SYT1: variants seen among roughly 807,000 people sequenced by gnomAD.
The protein encoded by SYT1 is synaptotagmin 1, also known as synaptotagmin-1.
SYT1 carries 8 observed loss-of-function variants against 44.8 expected under a neutral mutation model. The ratio of observed to expected loss-of-function variants is 0.18; its 90% CI spans 0.10 to 0.32. SYT1 has a LOEUF of 0.32. Among genes scored for constraint, SYT1 ranks in the 10% least tolerant of loss-of-function variants. The probability of loss-of-function intolerance (pLI) is 1.00; values close to 1 mark genes in which losing one functional copy is unlikely to be tolerated. For missense variants in SYT1, 286 were observed against 509.3 expected, an observed-to-expected ratio of 0.56 and a Z score of 4.22; for synonymous variants, 154 against 188.8, an observed-to-expected ratio of 0.82 and a Z score of 1.51.
At chr12:79,246,363 C>T (rs1309417013) in intron 4 of SYT1, among the ~76,000 whole-genome samples, 1 of 152,198 alleles carries the variant, frequency 6.6e-6, no homozygotes, top group Non-Finnish European at 1.5e-5. Flanking sequence ...TAAGTCCATT[C>T]CAGTTCTTCT....
chr12:79,010,008 G>A (rs1173002392), intron 2 of SYT1, among the ~76,000 whole-genome samples: 1 of 152,116 alleles, frequency 6.6e-6, no homozygotes, highest in Admixed American at 6.6e-5. Context: ...CAGTGTCTGT[G>A]AATGGAATAC....
At chr12:79,128,128 C>T (rs1868562522) in intron 3 of SYT1, among the ~76,000 whole-genome samples, 1 of 152,106 alleles carries the variant, frequency 6.6e-6, no homozygotes, top group South Asian at 2.1e-4. Context: ...CAGAGTGGCT[C>T]ACACCTATAA....
chr12:79,230,236 C>T (rs550209327), intron 4 of SYT1, among the ~76,000 whole-genome samples: 19 of 152,246 alleles, frequency 1.2e-4, no homozygotes, highest in African/African-American at 4.1e-4. Flanking sequence ...TAATGTCCAC[C>T]TAGCCTTTAA....
In SYT1 at chr12:79,408,902, A is replaced by G. The variant is rs556738039; in HGVS notation, c.929-35171A>G. On this transcript the variant is annotated intron_variant, in intron 9 of 10. Transcript: ENST00000261205. ...TTATGCACTTATCCATGCTCCTGTC[A>G]TCTGTGGTACTGATTTATGGAACCT... Among the ~76,000 whole-genome samples the G allele has an allele frequency of 5.9e-5, 9 of 152,070 alleles. No homozygotes were observed. In the South Asian group the frequency reaches 1.9e-3, roughly 32 times the overall value.
At chr12:79,001,641 A>G (rs1223856483) in intron 2 of SYT1, among the ~76,000 whole-genome samples, 2 of 152,178 alleles carry the variant, frequency 1.3e-5, no homozygotes, top group African/African-American at 4.8e-5. Context: ...TTTTAGAAAA[A>G]TTGGAACTGA....
chr12:79,320,569 A>AT (rs563384503), intron 8 of SYT1, among the ~76,000 whole-genome samples: 1 of 151,468 alleles, frequency 6.6e-6, no homozygotes, highest in Non-Finnish European at 1.5e-5. Context: ...TCCAAACGTC[A>AT]TATCAGCTGG....
At chr12:79,073,746 TA>T (rs1407648714) in intron 3 of SYT1, among the ~76,000 whole-genome samples, 1 of 152,122 alleles carries the variant, frequency 6.6e-6, no homozygotes, top group Non-Finnish European at 1.5e-5. Context: ...TCTTCGACAT[TA>T]ATCAAAACAT....
chr12:79,061,025 C>T (rs145547752), intron 3 of SYT1, among the ~76,000 whole-genome samples: 4 of 152,020 alleles, frequency 2.6e-5, no homozygotes, highest in African/African-American at 4.8e-5. Context: ...TCAGAAGATT[C>T]GTGAAGTTAG....
At chr12:79,215,633 C>G (rs1874738557) in intron 3 of SYT1, among the ~76,000 whole-genome samples, 1 of 152,116 alleles carries the variant, frequency 6.6e-6, no homozygotes, top group Non-Finnish European at 1.5e-5. Context: ...GAGCTCAAGG[C>G]TGCAATGAGC....
chr12:79,252,653 C>G (rs946911046), intron 4 of SYT1, among the ~76,000 whole-genome samples: 1 of 152,114 alleles, frequency 6.6e-6, no homozygotes, highest in Non-Finnish European at 1.5e-5. Context: ...CAACCCAGGT[C>G]TCTAAGTGAC....
At chr12:79,243,541 A>G (rs1876638708) in intron 4 of SYT1, among the ~76,000 whole-genome samples, 1 of 152,214 alleles carries the variant, frequency 6.6e-6, no homozygotes, top group African/African-American at 2.4e-5. Context: ...AGCAATCGAA[A>G]TCGAATCCCT....
chr12:78,967,287 C>A (rs1868271885), intron 1 of SYT1, among the ~76,000 whole-genome samples: 1 of 152,016 alleles, frequency 6.6e-6, no homozygotes, highest in Non-Finnish European at 1.5e-5. Context: ...CCTTTAATAG[C>A]AATATAAACT....
At chr12:78,980,408 C>T (rs779693417) in intron 2 of SYT1, among the ~76,000 whole-genome samples, 3 of 152,120 alleles carry the variant, frequency 2.0e-5, no homozygotes, top group Non-Finnish European at 2.9e-5. Context: ...ACTTTGTAAA[C>T]TAGATATGTC....
At chr12:79,240,748 A>G (rs1410132116) in intron 4 of SYT1, among the ~76,000 whole-genome samples, 2 of 152,234 alleles carry the variant, frequency 1.3e-5, no homozygotes, top group African/African-American at 2.4e-5. Context: ...GCTAGTATAC[A>G]TGGGATTGGT....
chr12:79,162,047 T>C (rs1870981421), intron 3 of SYT1, among the ~76,000 whole-genome samples: 1 of 152,180 alleles, frequency 6.6e-6, no homozygotes, highest in Admixed American at 6.6e-5. Context: ...TTCTCATTTT[T>C]CTGTATTTTG....
At chr12:78,908,131 G>A (rs980103819) in intron 1 of SYT1, among the ~76,000 whole-genome samples, 1 of 151,826 alleles carries the variant, frequency 6.6e-6, no homozygotes, top group Non-Finnish European at 1.5e-5. Flanking sequence ...CCAGTTTTCA[G>A]AAACTCAAGG....
At chr12:79,240,882 A>C (rs898726005) in intron 4 of SYT1, among the ~76,000 whole-genome samples, 10 of 152,218 alleles carry the variant, frequency 6.6e-5, no homozygotes, top group Non-Finnish European at 1.3e-4. Flanking sequence ...TTTTATTTAA[A>C]AAAGAAAGGG....
intron 8 of SYT1, among the ~76,000 whole-genome samples, chr12:79,312,249 G>C (rs1338763475): frequency 6.6e-6 from 1 of 152,030 alleles, no homozygotes; most frequent in Non-Finnish European, 1.5e-5. Context: ...GTTGTTACTG[G>C]AAATTTATTG....
At chr12:79,202,751 T>C (rs752985055) in intron 3 of SYT1, among the ~76,000 whole-genome samples, 1 of 152,146 alleles carries the variant, frequency 6.6e-6, no homozygotes, top group Admixed American at 6.6e-5. Context: ...CACTAAAAGG[T>C]AGAACATTCA....
Sources: allele counts gnomAD v4.1 joint callset (sites outside exome capture counted in the v4.1 genomes callset), GRCh38; gene constraint gnomAD v4.1.1; transcripts MANE v1.5; gene names NCBI Gene and HGNC (gene_info 2026-07-23, HGNC 2026-07-21).